SLC35F1: variants seen among roughly 807,000 people sequenced by gnomAD.
SLC35F1 encodes the protein chromosome 6 open reading frame 169.
Under a neutral mutation model 48.7 loss-of-function variants are expected in SLC35F1, and 14 were observed. That is an observed-to-expected ratio of 0.29 (90% CI 0.19 to 0.45). The LOEUF is 0.45. Among genes scored for constraint, SLC35F1 ranks in the 20% least tolerant of loss-of-function variants. The pLI is 1.00. For missense variants in SLC35F1, 404 were observed against 500.0 expected (o/e 0.81, Z 1.83); for synonymous variants, 190 against 202.2 (o/e 0.94, Z 0.51).
intron 6 of SLC35F1, 62 bp from the exon 7 acceptor site, chr6:118,285,122 G>A (rs112510057): frequency 1.9e-6 from 3 of 1,581,738 alleles, no homozygotes; most frequent in Non-Finnish European, 2.6e-6. Context: ...CTTTCCTGCT[G>A]TGGATGCTGA....
intron 1 of SLC35F1, among the ~76,000 whole-genome samples, chr6:117,963,818 G>A (rs1351941319): frequency 1.3e-5 from 2 of 151,348 alleles, no homozygotes; most frequent in Non-Finnish European, 2.9e-5. Flanking sequence ...TAAATTTTAA[G>A]TTCTGGGATA....
intron 1 of SLC35F1, among the ~76,000 whole-genome samples, chr6:118,007,835 T>C (rs6914871): frequency 0.66 from 99,637 of 151,948 alleles, 32,804 homozygotes; most frequent in East Asian, 0.81. Flanking sequence ...AGTTTTAGGT[T>C]GAGCTGCAGT....
chr6:118,162,588 C>T (rs1310647211), intron 2 of SLC35F1, among the ~76,000 whole-genome samples: 2 of 152,138 alleles, frequency 1.3e-5, no homozygotes, highest in Non-Finnish European at 2.9e-5. Context: ...TACTATAACT[C>T]GGCCGTTACC....
At position 118,316,691 on chromosome 6, in the gene SLC35F1, G is replaced by C. The variant is rs1776441698; in HGVS notation, c.*2439G>C. 1 of 152,234 alleles carries C rather than the reference G, an allele frequency of 6.6e-6. No homozygotes were observed. Among genetic ancestry groups the C allele is most frequent in the Admixed American group, 6.5e-5 (1 of 15,268 alleles). The allele number at this position is 152,234 out of a possible 1,614,324, so 9.4% of individuals were successfully genotyped here. A position where few individuals can be genotyped will look rare whatever the true frequency, so the allele number is the denominator to read the frequency against. Reference sequence around the variant, plus strand: ...AGTTTGCAATCAACAGATGGCTAAAGGTTGCCATCTGAATTATTTTATAGG... The same window carrying C: ...AGTTTGCAATCAACAGATGGCTAAACGTTGCCATCTGAATTATTTTATAGG... On this transcript the variant is annotated 3_prime_UTR_variant, in exon 8 of 8. Coordinates refer to ENST00000360388, the MANE Select transcript of SLC35F1 (RefSeq NM_001029858.4).
At chr6:117,967,700 C>G (rs941477951) in intron 1 of SLC35F1, among the ~76,000 whole-genome samples, 12 of 152,158 alleles carry the variant, frequency 7.9e-5, no homozygotes, top group Non-Finnish European at 1.6e-4. Flanking sequence ...ATCAAACAAT[C>G]TTATGCAATG....
At chr6:118,232,082 A>G (rs567853448) in intron 2 of SLC35F1, among the ~76,000 whole-genome samples, 36 of 152,356 alleles carry the variant, frequency 2.4e-4, no homozygotes, top group African/African-American at 8.4e-4. Flanking sequence ...ATTATTAAAC[A>G]TGAAATTTAT....
chr6:118,114,754 T>A (rs934579441), intron 1 of SLC35F1, among the ~76,000 whole-genome samples: 8 of 152,204 alleles, frequency 5.3e-5, no homozygotes, highest in African/African-American at 1.9e-4. Flanking sequence ...TGAGCATCAG[T>A]CAGCTGGTTT....
At chr6:118,125,207 G>T (rs1163356000) in intron 1 of SLC35F1, among the ~76,000 whole-genome samples, 1 of 152,150 alleles carries the variant, frequency 6.6e-6, no homozygotes, top group Non-Finnish European at 1.5e-5. Flanking sequence ...TTCAGGTTTT[G>T]CTTTCAGACT....
chr6:118,016,296 C>T (rs1364959074), intron 1 of SLC35F1, among the ~76,000 whole-genome samples: 4 of 152,202 alleles, frequency 2.6e-5, no homozygotes, highest in African/African-American at 4.8e-5. Flanking sequence ...TATCACCACT[C>T]ATGCTTCTTT....
intron 2 of SLC35F1, among the ~76,000 whole-genome samples, chr6:118,199,011 G>GTCC (rs1176001447): frequency 1.3e-5 from 2 of 152,190 alleles, no homozygotes; most frequent in African/African-American, 4.8e-5. Flanking sequence ...CCTGGGAAAA[G>GTCC]CTGCCCAGGG....
intron 5 of SLC35F1, 81 bp from the exon 6 acceptor site, chr6:118,277,413 A>G: frequency 8.0e-7 from 1 of 1,252,484 alleles, no homozygotes; most frequent in Non-Finnish European, 1.2e-6. Context: ...TACATCTGAT[A>G]AGTGGGGGGG....
chr6:118,042,698 T>C (rs1041582802), intron 1 of SLC35F1, among the ~76,000 whole-genome samples: 1 of 152,106 alleles, frequency 6.6e-6, no homozygotes, highest in African/African-American at 2.4e-5. Context: ...TCTGTTGCAA[T>C]AGTCCAGATG....
rs879826166 is a variant in SLC35F1 at position 118,311,388 on chromosome 6, T to TA, written c.1003-2630dup. On this transcript the variant is annotated intron_variant, in intron 7 of 7. Coordinates refer to ENST00000360388, the MANE Select transcript of SLC35F1 (RefSeq NM_001029858.4). ...AAACTTCCCCATTATTCATTCAAGA[T>TA]AAAAAAAAAATAGCAGATAATACTT... 9.9e-3 allele frequency among the ~76,000 whole-genome samples: 1,472 copies of TA among 149,320 alleles called. 7 individuals carry two copies. Among genetic ancestry groups the TA allele is most frequent in the South Asian group, 0.015 (73 of 4,718 alleles).
chr6:118,213,863 T>C (rs945508507), intron 2 of SLC35F1, among the ~76,000 whole-genome samples: 4 of 152,212 alleles, frequency 2.6e-5, no homozygotes, highest in Non-Finnish European at 4.4e-5. Flanking sequence ...TAGCATTGCT[T>C]CTTAGGATAG....
chr6:117,911,319 G>T (rs1482641240), intron 1 of SLC35F1, among the ~76,000 whole-genome samples: 1 of 152,016 alleles, frequency 6.6e-6, no homozygotes, highest in East Asian at 1.9e-4. Flanking sequence ...ATTCAAAATT[G>T]TGAACCAATC....
At chr6:118,153,620 G>A (rs1774095758) in intron 1 of SLC35F1, among the ~76,000 whole-genome samples, 1 of 152,064 alleles carries the variant, frequency 6.6e-6, no homozygotes, top group Non-Finnish European at 1.5e-5. Context: ...AGCTTGCGAG[G>A]GCATTTTATT....
At chr6:118,145,268 T>A (rs1452162745) in intron 1 of SLC35F1, among the ~76,000 whole-genome samples, 1 of 152,230 alleles carries the variant, frequency 6.6e-6, no homozygotes, top group African/African-American at 2.4e-5. Context: ...TCTTTTAAGG[T>A]ACATCAGAGT....
At chr6:118,037,094 T>A (rs1428449189) in intron 1 of SLC35F1, among the ~76,000 whole-genome samples, 1 of 152,226 alleles carries the variant, frequency 6.6e-6, no homozygotes, top group East Asian at 1.9e-4. Context: ...TTGAAATATA[T>A]TTTATCTGAT....
intron 1 of SLC35F1, among the ~76,000 whole-genome samples, chr6:118,148,248 C>T (rs1582694384): frequency 1.3e-5 from 2 of 152,128 alleles, no homozygotes; most frequent in Non-Finnish European, 2.9e-5. Flanking sequence ...AAGATGATAA[C>T]ATAATTGTTT....
Sources: gnomAD v4.1 joint callset for allele counts (sites outside exome capture counted in the v4.1 genomes callset) on GRCh38, gnomAD v4.1.1 for gene constraint, MANE v1.5 for transcripts, NCBI Gene and HGNC (gene_info 2026-07-23, HGNC 2026-07-21) for gene names.